The following DIPK1A variants were observed in gnomAD, a reference collection of about 807,000 sequenced individuals.
The protein encoded by DIPK1A is family with sequence similarity 69 member A.
DIPK1A carries 27 observed loss-of-function variants against 40.8 expected under a neutral mutation model. The observed-to-expected ratio is 0.66, with a 90% CI of 0.49 to 0.91. DIPK1A has a LOEUF of 0.91. DIPK1A is among the 40% of genes least tolerant of loss of function. The pLI, the probability that DIPK1A is intolerant of heterozygous loss-of-function variation, is 0.00. For missense variants in DIPK1A, 412 were observed against 505.7 expected (o/e 0.81, Z 1.78); for synonymous variants, 166 against 171.3 (o/e 0.97, Z 0.24).
chr1:92,849,577 A>T (rs1276266732), intron 3 of DIPK1A, among the ~76,000 whole-genome samples: 2 of 151,432 alleles, frequency 1.3e-5, no homozygotes, highest in Non-Finnish European at 2.9e-5. Context: ...GTGATGTGAG[A>T]TCTTGGCTCA....
intron 4 of DIPK1A, among the ~76,000 whole-genome samples, chr1:92,844,526 C>T (rs902467411): frequency 6.6e-6 from 1 of 152,206 alleles, no homozygotes; most frequent in East Asian, 1.9e-4. Context: ...ACCACCGCCT[C>T]ATATGTGGAC....
At chr1:92,860,443 A>G (rs1285258829) in intron 2 of DIPK1A, among the ~76,000 whole-genome samples, 1 of 152,004 alleles carries the variant, frequency 6.6e-6, no homozygotes, top group Admixed American at 6.6e-5. Context: ...TTGAAGTATC[A>G]TTGGTTTTGT....
chr1:92,855,984 G>A (rs10874745), intron 2 of DIPK1A, among the ~76,000 whole-genome samples: 35,048 of 151,976 alleles, frequency 0.23, 4,370 homozygotes, highest in Middle Eastern at 0.28. Context: ...GGCTGAGGTG[G>A]GAGGATGGCT....
chr1:92,878,120 TTAAG>T (rs1488699322), intron 1 of DIPK1A, among the ~76,000 whole-genome samples: 1 of 152,140 alleles, frequency 6.6e-6, no homozygotes, highest in Non-Finnish European at 1.5e-5. Flanking sequence ...CAAGTGACAC[TTAAG>T]TAAGTGACAC....
At chr1:92,840,451 T>C, downstream of DIPK1A, 1 of 870,794 alleles carries the variant, frequency 1.1e-6, no homozygotes, top group East Asian at 2.4e-5. Context: ...TTAGTTCCTT[T>C]TGAGAATCTG....
At chr1:92,936,787 C>T (rs1199172775) in intron 1 of DIPK1A, among the ~76,000 whole-genome samples, 2 of 152,154 alleles carry the variant, frequency 1.3e-5, no homozygotes, top group Non-Finnish European at 2.9e-5. Flanking sequence ...ATACATGGTC[C>T]TGGATGATGA....
chr1:92,915,927 A>G (rs186047000), intron 1 of DIPK1A, among the ~76,000 whole-genome samples: 2 of 152,362 alleles, frequency 1.3e-5, no homozygotes, highest in East Asian at 3.9e-4. Context: ...AATATTATTT[A>G]ACTATAAAAA....
intron 1 of DIPK1A, among the ~76,000 whole-genome samples, chr1:92,923,547 A>G (rs1350336956): frequency 1.3e-5 from 2 of 152,244 alleles, no homozygotes; most frequent in Non-Finnish European, 2.9e-5. Flanking sequence ...AATAATTTTC[A>G]GAGAGTTGCT....
chr1:92,919,098 C>G (rs1650172199), intron 1 of DIPK1A, among the ~76,000 whole-genome samples: 1 of 152,194 alleles, frequency 6.6e-6, no homozygotes, highest in South Asian at 2.1e-4. Context: ...GTATCCTCAA[C>G]AAGACTATAA....
At chr1:92,941,646 C>T (rs981703489) in intron 1 of DIPK1A, among the ~76,000 whole-genome samples, 2 of 152,094 alleles carry the variant, frequency 1.3e-5, no homozygotes, top group Non-Finnish European at 2.9e-5. Context: ...TAGCAGTGTG[C>T]CTTTCCTTTC....
chr1:92,956,602 T>G (rs1056125184), intron 1 of DIPK1A, among the ~76,000 whole-genome samples: 8 of 152,338 alleles, frequency 5.3e-5, no homozygotes, highest in African/African-American at 1.9e-4. Flanking sequence ...TACTACAGTA[T>G]TTGGCAACAT....
At chr1:92,832,966 G>A in exon 5 of DIPK1A, 1 of 723,298 alleles carries the variant, frequency 1.4e-6, no homozygotes, top group Non-Finnish European at 2.5e-6. Context: ...ACAAACCGAC[G>A]TTTGGCATCA....
chr1:92,888,729 G>A (rs1344414925), intron 1 of DIPK1A, among the ~76,000 whole-genome samples: 2 of 152,130 alleles, frequency 1.3e-5, no homozygotes, highest in East Asian at 3.8e-4. Context: ...CATTATAACT[G>A]GGTTTAGATA....
chr1:92,833,813 C>T, intron 4 of DIPK1A: 1 of 647,960 alleles, frequency 1.5e-6, no homozygotes, highest in Non-Finnish European at 2.7e-6. Flanking sequence ...AGAATTGGAA[C>T]CTGGGAACTT....
intron 2 of DIPK1A, among the ~76,000 whole-genome samples, chr1:92,872,133 G>A (rs1647902201): frequency 8.1e-6 from 1 of 123,844 alleles, no homozygotes; most frequent in Admixed American, 1.0e-4. Flanking sequence ...AGGCTGGAGT[G>A]CAGTGATGTG....
chr1:92,905,115 G>A (rs1045431915), intron 1 of DIPK1A, among the ~76,000 whole-genome samples: 2 of 152,076 alleles, frequency 1.3e-5, no homozygotes, highest in Non-Finnish European at 2.9e-5. Flanking sequence ...ACAATCTAAT[G>A]GGAATGCAGA....
intron 4 of DIPK1A, chr1:92,836,661 A>G: frequency 2.3e-6 from 1 of 437,308 alleles, no homozygotes; most frequent in Admixed American, 3.6e-5. Flanking sequence ...TTTGCATATG[A>G]CTTAATTCTT....
At position 92,961,438 on chromosome 1, in the gene DIPK1A, C is replaced by T. The variant is rs563440628; in HGVS notation, c.-9G>A. On this transcript the variant is annotated 5_prime_UTR_variant, in exon 1 of 5. The change creates a new upstream start codon in the 5' untranslated region. Transcript: ENST00000370310. ...CAGAGACTCCTCGCCATGGTAATCA[C>T]ACATCGCCCCGCCGCGCTGCAGTCA... 1.4e-5 allele frequency: 21 copies of T among 1,498,002 alleles called. 1 individual carries two copies. In the African/African-American group the frequency reaches 3.1e-4, roughly 22 times the overall value. The allele number at this position is 1,498,002 out of a possible 1,614,324, so 92.8% of individuals were successfully genotyped here.
chr1:92,904,048 G>A (rs1008084234), intron 1 of DIPK1A, among the ~76,000 whole-genome samples: 11 of 152,174 alleles, frequency 7.2e-5, no homozygotes, highest in African/African-American at 2.7e-4. Flanking sequence ...GAATTTCTCA[G>A]ACAGGTGTTA....
Sources: allele counts gnomAD v4.1 joint callset (sites outside exome capture counted in the v4.1 genomes callset), GRCh38; gene constraint gnomAD v4.1.1; transcripts MANE v1.5; gene names NCBI Gene and HGNC (gene_info 2026-07-23, HGNC 2026-07-21).